ATXN7L1: variants seen among roughly 807,000 people sequenced by gnomAD.
ATXN7L1 encodes the protein ataxin 7 like 1.
A neutral mutation model predicts 70.8 loss-of-function variants in ATXN7L1; 15 were observed. The ratio of observed to expected loss-of-function variants is 0.21; its 90% CI spans 0.14 to 0.33. The LOEUF (loss-of-function observed/expected upper bound fraction) is 0.33, where lower values mean the gene tolerates loss of function less well. Ranked by LOEUF, ATXN7L1 falls within the 10% of genes least tolerant of loss-of-function variation. The pLI is 1.00. For synonymous variants in ATXN7L1, 440 were observed against 445.1 expected, an observed-to-expected ratio of 0.99 and a Z score of 0.14; for missense variants, 975 against 1,097.1, an observed-to-expected ratio of 0.89 and a Z score of 1.57.
intron 3 of ATXN7L1, among the ~76,000 whole-genome samples, chr7:105,744,223 A>G (rs1798319717): frequency 1.3e-5 from 2 of 152,262 alleles, no homozygotes; most frequent in South Asian, 4.2e-4. Context: ...GTCCTTCTAC[A>G]CTACAAAAAT....
chr7:105,866,235 C>T (rs1365831918), intron 2 of ATXN7L1, among the ~76,000 whole-genome samples: 2 of 152,152 alleles, frequency 1.3e-5, no homozygotes, highest in Non-Finnish European at 2.9e-5. Flanking sequence ...TCAGGTACAC[C>T]GGTAAGTGCT....
At chr7:105,642,732 A>T in intron 5 of ATXN7L1, 106 bp downstream of exon 5, 1 of 1,348,054 alleles carries the variant, frequency 7.4e-7, no homozygotes, top group Non-Finnish European at 1.0e-6. Flanking sequence ...TCCCCCTTAA[A>T]ATGAAACAGA....
At chr7:105,634,425 A>C (rs1312051893) in intron 7 of ATXN7L1, among the ~76,000 whole-genome samples, 5 of 142,998 alleles carry the variant, frequency 3.5e-5, no homozygotes, top group Non-Finnish European at 6.1e-5. Context: ...TTTGACCTTA[A>C]TTCAGTCCTT....
chr7:105,788,582 G>C (rs777849615), intron 3 of ATXN7L1, 22 bp downstream of exon 3: 1 of 1,576,918 alleles, frequency 6.3e-7, no homozygotes, highest in East Asian at 2.2e-5. Flanking sequence ...AGATGTGGCC[G>C]ACGGTGCAGG....
intron 3 of ATXN7L1, among the ~76,000 whole-genome samples, chr7:105,711,602 C>T (rs1455781111): frequency 6.6e-6 from 1 of 152,236 alleles, no homozygotes; most frequent in African/African-American, 2.4e-5. Context: ...AAAATAATCC[C>T]CTTTGACTCC....
At chr7:105,634,909 G>A (rs986368126) in intron 7 of ATXN7L1, among the ~76,000 whole-genome samples, 1 of 150,746 alleles carries the variant, frequency 6.6e-6, no homozygotes, top group Non-Finnish European at 1.5e-5. Flanking sequence ...GTGAGACTCT[G>A]TCTCTACAGG....
chr7:105,787,211 C>T lies in ATXN7L1; in HGVS notation c.355+1393G>A, dbSNP rs140106924. On this transcript the variant is annotated intron_variant, in intron 3 of 11. Coordinates refer to ENST00000419735, the MANE Select transcript of ATXN7L1 (RefSeq NM_020725.2). Reference sequence around the variant, plus strand: ...TTCCTGCTCAGTCTGCCAGAATGAACATGTCAGAGCTGGACACACCCACAG... The same window carrying T: ...TTCCTGCTCAGTCTGCCAGAATGAATATGTCAGAGCTGGACACACCCACAG... 2.0e-5 allele frequency among the ~76,000 whole-genome samples: 3 copies of T among 152,320 alleles called. No individual in the cohort carries two copies. The East Asian group carries it at 5.8e-4, about 29-fold the overall frequency.
intron 3 of ATXN7L1, among the ~76,000 whole-genome samples, chr7:105,703,755 G>T (rs1792780149): frequency 1.3e-5 from 2 of 152,188 alleles, no homozygotes; most frequent in African/African-American, 4.8e-5. Context: ...GGATGATGCT[G>T]CTTTGGGAAA....
chr7:105,803,925 G>A (rs966050750), intron 2 of ATXN7L1, among the ~76,000 whole-genome samples: 27 of 152,098 alleles, frequency 1.8e-4, no homozygotes, highest in African/African-American at 6.0e-4. Flanking sequence ...TCTCTGAGGC[G>A]GCTAAGTGGT....
intron 7 of ATXN7L1, among the ~76,000 whole-genome samples, chr7:105,634,386 G>A (rs1398635764): frequency 6.6e-6 from 1 of 152,210 alleles, no homozygotes; most frequent in East Asian, 1.9e-4. Flanking sequence ...GAGAGCAGAA[G>A]GCAATTGACC....
In ATXN7L1 at chr7:105,684,900, A is replaced by G. The variant is rs542465107; in HGVS notation, c.356-19612T>C. ...GCCCACATTTCTTCATCTCCCTGGT[A>G]GGATCTTGTGGGTGACTTTGACAAA... is the stretch of plus-strand genomic sequence containing the variant. On this transcript the variant is annotated intron_variant, in intron 3 of 11. Coordinates refer to ENST00000419735, the MANE Select transcript of ATXN7L1 (RefSeq NM_020725.2). Among the ~76,000 whole-genome samples, 2 of 152,290 alleles carry G rather than the reference A, an allele frequency of 1.3e-5. 1 individual carries two copies. The highest frequency in any genetic ancestry group is 1.3e-4 in the Admixed American group (2 of 15,294).
intron 2 of ATXN7L1, among the ~76,000 whole-genome samples, chr7:105,873,567 T>C (rs1052543539): frequency 3.9e-4 from 59 of 152,298 alleles, no homozygotes; most frequent in Admixed American, 3.5e-3. Context: ...TAAAGAAAAC[T>C]GCATGCATAT....
rs1376126466 is a variant in ATXN7L1, at chr7:105,614,073, G to A, written c.2261C>T (p.Ala754Val). ...PLSVPSLALH[A>V]GDLSLASHNA... ...GTGTGAGGCCAGAGAGAGGTCCCCT[G>A]CGTGGAGCGCAAGGGAGGGCACAGA... Residue 754 changes from alanine to valine, a missense_variant, in exon 10 of 12, where the codon GCA becomes GTA. By Grantham distance (64) the Ala-to-Val change is moderately conservative (BLOSUM62 0). Coordinates refer to ENST00000419735, the MANE Select transcript of ATXN7L1 (RefSeq NM_020725.2). This position sits in a 1 kb window ranked among gnomAD's most constrained non-coding sequence, Gnocchi z 4.3. 10 of 1,551,712 alleles carry A rather than the reference G, an allele frequency of 6.4e-6. No individual in the cohort carries two copies. Among genetic ancestry groups the A allele is most frequent in the Non-Finnish European group, 7.8e-6 (9 of 1,147,032 alleles).
At chr7:105,759,006 T>C (rs1800165823) in intron 3 of ATXN7L1, among the ~76,000 whole-genome samples, 1 of 152,120 alleles carries the variant, frequency 6.6e-6, no homozygotes, top group Non-Finnish European at 1.5e-5. Flanking sequence ...ATCCTTTCTT[T>C]GAACCATTTT....
At chr7:105,873,856 G>A (rs1818629754) in intron 2 of ATXN7L1, among the ~76,000 whole-genome samples, 1 of 152,116 alleles carries the variant, frequency 6.6e-6, no homozygotes, top group African/African-American at 2.4e-5. Flanking sequence ...AGCCAGGCAC[G>A]GTGGCTCATG....
In ATXN7L1 at chr7:105,614,519, G is replaced by T. The variant is rs1470484516; in HGVS notation, c.1815C>A (p.Ser605=). Residue 605 remains serine (S), a synonymous_variant, in exon 10 of 12, where the codon TCC becomes TCA. Transcript: ENST00000419735. This position sits in a 1 kb window ranked among gnomAD's most constrained non-coding sequence, Gnocchi z 4.3. ...DSTFKAPSAV[S]PIPAVIPSPS... is the part of the protein sequence containing the mutation. ...GGGAAGGGATGACGGCTGGTATCGG[G>T]GACACGGCGGATGGGGCCTTGAAGG... 3.5e-5 allele frequency: 54 copies of T among 1,534,318 alleles called. No homozygotes were observed. Among genetic ancestry groups the T allele is most frequent in the Non-Finnish European group, 4.5e-5 (51 of 1,137,058 alleles).
At chr7:105,687,539 G>A (rs13223425) in intron 3 of ATXN7L1, among the ~76,000 whole-genome samples, 10,801 of 152,236 alleles carry the variant, frequency 0.071, 408 homozygotes, top group African/African-American at 0.084. Flanking sequence ...AGCCAAGAAG[G>A]GGCCTCAGGA....
intron 2 of ATXN7L1, among the ~76,000 whole-genome samples, chr7:105,794,146 C>G (rs965191582): frequency 1.3e-5 from 2 of 152,126 alleles, no homozygotes; most frequent in African/African-American, 4.8e-5. Flanking sequence ...AAGTTCAGGA[C>G]TGTTCAATGG....
At chr7:105,735,870 T>C (rs543109252) in intron 3 of ATXN7L1, among the ~76,000 whole-genome samples, 2 of 152,328 alleles carry the variant, frequency 1.3e-5, no homozygotes, top group Non-Finnish European at 2.9e-5. Context: ...TAATCAAATC[T>C]ATATTAATCA....
Sources: allele counts gnomAD v4.1 joint callset (sites outside exome capture counted in the v4.1 genomes callset), GRCh38; gene constraint gnomAD v4.1.1; non-coding constraint Gnocchi (gnomAD v3.1); transcripts MANE v1.5; gene names NCBI Gene and HGNC (gene_info 2026-07-23, HGNC 2026-07-21).